The following MDN1 variants were observed in gnomAD, a reference collection of about 807,000 sequenced individuals.
The protein encoded by MDN1 is midasin.
MDN1 carries 266 observed loss-of-function variants against 669.2 expected under a neutral mutation model. That is an observed-to-expected ratio of 0.40 (90% CI 0.36 to 0.44). The LOEUF (loss-of-function observed/expected upper bound fraction) is 0.44. Ranked by LOEUF, MDN1 falls within the 20% of genes least tolerant of loss-of-function variation. MDN1 has a pLI of 1.00. For synonymous variants in MDN1, 2,385 were observed against 2,457.1 expected (o/e 0.97, Z 0.87); for missense variants, 5,940 against 6,754.0 (o/e 0.88, Z 4.22).
intron 2 of MDN1, chr6:89,797,480 A>AT (rs1296047058): frequency 4.8e-6 from 1 of 209,864 alleles, no homozygotes; most frequent in Non-Finnish European, 9.7e-6. Context: ...TTGCTCTCTG[A>AT]TAAAGGTATG....
In MDN1 at chr6:89,762,367, G is replaced by C; in HGVS notation, c.2308C>G (p.His770Asp). 2 of 1,614,126 alleles carry C rather than the reference G, an allele frequency of 1.2e-6. No individual in the cohort carries two copies. Among genetic ancestry groups the C allele is most frequent in the Non-Finnish European group, 1.7e-6 (2 of 1,180,018 alleles). ...RWHDLLRLMQ[H>D]VHKSAVNKDG... Reference sequence around the variant, plus strand: ...TTGTTAACAGCAGACTTGTGTACATGCTGCATTAGTCTCAGGAGATCATGC... The same window carrying C: ...TTGTTAACAGCAGACTTGTGTACATCCTGCATTAGTCTCAGGAGATCATGC... The change falls in exon 16 of 102, where the codon CAT becomes GAT. Residue 770 changes from histidine to aspartate, a missense_variant. His to Asp is a moderately conservative substitution (Grantham distance 81). Coordinates refer to ENST00000369393, the MANE Select transcript of MDN1 (RefSeq NM_014611.3).
Position 89,732,698 on chromosome 6 carries a change from T to A in MDN1, c.4801A>T (p.Ser1601Cys), listed in dbSNP as rs752091015. The A allele has an allele frequency of 8.7e-6, 14 of 1,613,920 alleles. 1 individual carries two copies. In the South Asian group the frequency reaches 1.4e-4, roughly 16 times the overall value. ...HQEFGRKCVV[S>C]IRDILSWVNF... ...ACCCAGGACAGGATATCTCTGATAC[T>A]GACCACACACTTTCTGCCAAACTCT... The change falls in exon 34 of 102, where the codon AGT (serine) becomes TGT (cysteine). Residue 1601 changes from serine (S) to cysteine (C), a missense_variant. Ser to Cys is a moderately radical substitution (Grantham distance 112, BLOSUM62 -1). Coordinates refer to ENST00000369393, the MANE Select transcript of MDN1 (RefSeq NM_014611.3).
In MDN1 at chr6:89,684,867, T is replaced by G; in HGVS notation, c.11829+9A>C. On this transcript the variant is annotated intron_variant, in intron 71 of 101. Transcript: ENST00000369393. ...TCCCAAGAGTGATCATGACAGCTGT[T>G]CATCTTACTTTAAGTTCTTTTTCTA... The G allele has an allele frequency of 5.2e-6, 8 of 1,549,210 alleles. No homozygotes were observed. Among genetic ancestry groups the G allele is most frequent in the Non-Finnish European group, 7.1e-6 (8 of 1,121,736 alleles).
intron 57 of MDN1, 28 bp from the exon 58 acceptor site, chr6:89,699,755 T>G (rs764353011): frequency 1.9e-6 from 3 of 1,611,972 alleles, no homozygotes; most frequent in East Asian, 4.5e-5. Flanking sequence ...AGGGAGAGGG[T>G]GGGGTATGGA....
At chr6:89,818,613 C>A (rs1584419217) in intron 1 of MDN1, among the ~76,000 whole-genome samples, 1 of 151,816 alleles carries the variant, frequency 6.6e-6, no homozygotes, top group East Asian at 1.9e-4. Flanking sequence ...AGATCGAGAC[C>A]ATCCTGGCCA....
intron 59 of MDN1, 36 bp downstream of exon 59, chr6:89,698,829 C>A: frequency 6.2e-7 from 1 of 1,607,454 alleles, no homozygotes; most frequent in Admixed American, 1.7e-5. Flanking sequence ...TCTTTTGCCA[C>A]TATCAAACAT....
chr6:89,697,593 T>C (rs1812854927), intron 59 of MDN1, among the ~76,000 whole-genome samples: 1 of 152,120 alleles, frequency 6.6e-6, no homozygotes, highest in Admixed American at 6.5e-5. Context: ...TATTTTTTTT[T>C]TTTTTTGAGA....
At position 89,729,219 on chromosome 6, in the gene MDN1, A is replaced by C. The variant is rs1815421704; in HGVS notation, c.5141-80T>G. On this transcript the variant is annotated intron_variant, in intron 35 of 101. Coordinates refer to ENST00000369393, the MANE Select transcript of MDN1 (RefSeq NM_014611.3). Reference sequence around the variant, plus strand: ...TATGCATCAACTCAAGATTTTAAAAATCTACCACATGGGTTATCAGTTAGT... The same window carrying C: ...TATGCATCAACTCAAGATTTTAAAACTCTACCACATGGGTTATCAGTTAGT... The C allele has an allele frequency of 7.3e-6, 8 of 1,103,268 alleles. No homozygotes were observed. In the Admixed American group the frequency reaches 1.8e-4, roughly 25 times the overall value. 68.3% of individuals were successfully genotyped at this position (1,103,268 alleles called of 1,614,324 possible).
At chr6:89,816,530 G>C (rs546598512) in intron 1 of MDN1, among the ~76,000 whole-genome samples, 1 of 152,040 alleles carries the variant, frequency 6.6e-6, no homozygotes, top group South Asian at 2.1e-4. Flanking sequence ...TTCTAGACCA[G>C]CCTGGACAAC....
chr6:89,688,085 T>G lies in MDN1; in HGVS notation c.11348A>C (p.Lys3783Thr). The stretch of plus-strand genomic sequence containing the variant: ...AGAGAGGTATTAGCTCACCTGTGCC[T>G]TTGCCAGAAGGATCTCTAAGCCATT... ...FLNGLEILLA[K>T]AQDWEENASR... Residue 3783 changes from lysine (K) to threonine (T), a missense_variant, in exon 67 of 102, where the codon AAG (lysine) becomes ACG (threonine). Physicochemically the swap from Lys to Thr is moderately conservative, Grantham distance 78. Coordinates refer to ENST00000369393, the MANE Select transcript of MDN1 (RefSeq NM_014611.3). 2 of 1,613,664 alleles carry G rather than the reference T, an allele frequency of 1.2e-6. No homozygotes were observed. Among genetic ancestry groups the G allele is most frequent in the Non-Finnish European group, 1.7e-6 (2 of 1,179,540 alleles).
rs1237773636 is a variant in MDN1, at chr6:89,699,633, G to A, written c.8965C>T (p.Arg2989Ter). The A allele has an allele frequency of 1.9e-6, 3 of 1,613,936 alleles. No homozygotes were observed. The highest frequency in any genetic ancestry group is 1.1e-5 in the South Asian group (1 of 91,062). ...TGATGCAGCAAGGACCACAGATCTC[G>A]AAGCTCTTGAGGTGTAACAGGTGTG... Reference protein sequence around the residue: ...YHTPVTPQELRDLWSLLHHQK... With the variant: ...YHTPVTPQEL Residue 2989 changes from arginine to a stop codon, truncating the protein, a stop_gained, in exon 58 of 102, where the codon CGA becomes TGA. Coordinates refer to ENST00000369393, the MANE Select transcript of MDN1 (RefSeq NM_014611.3). LOFTEE classifies it high-confidence loss of function.
At chr6:89,659,960 TCA>T (rs1809604322) in intron 88 of MDN1, among the ~76,000 whole-genome samples, 1 of 152,192 alleles carries the variant, frequency 6.6e-6, no homozygotes, top group East Asian at 1.9e-4. Context: ...CCATCTTGGC[TCA>T]CTGCAACCTC....
chr6:89,793,294 T>C (rs1562225204), intron 5 of MDN1, among the ~76,000 whole-genome samples: 1 of 152,168 alleles, frequency 6.6e-6, no homozygotes, highest in Non-Finnish European at 1.5e-5. Flanking sequence ...TACATCAACA[T>C]AGGATCGTAA....
chr6:89,766,788 G>T (rs7748586), intron 15 of MDN1, among the ~76,000 whole-genome samples: 1,664 of 152,334 alleles, frequency 0.011, 26 homozygotes, highest in African/African-American at 0.039. Flanking sequence ...ACAGGGTTCT[G>T]AGTTCAAATT....
chr6:89,677,705 TAAACAGCATTTCTTTAAGCAAAGATGC>T lies in MDN1; in HGVS notation c.12413-36_12413-10del. The stretch of plus-strand genomic sequence containing the variant: ...TTTGCGATACGACAAACCTAGGAAA[TAAACAGCATTTCTTTAAGCAAAGATGC>T]TTAGTAGAGAATGGATGTGCCCCCC... On this transcript the variant is annotated splice_polypyrimidine_tract_variant and intron_variant, in intron 75 of 101. Transcript: ENST00000369393. The T allele has an allele frequency of 6.2e-7, 1 of 1,613,838 alleles. No homozygotes were observed. The highest frequency in any genetic ancestry group is 1.1e-5 in the South Asian group (1 of 91,070).
At chr6:89,734,960 G>C (rs1001938042) in intron 33 of MDN1, among the ~76,000 whole-genome samples, 5 of 149,000 alleles carry the variant, frequency 3.4e-5, no homozygotes, top group Non-Finnish European at 7.5e-5. Context: ...GTGTGATCTT[G>C]GCTCACGGCA....
At chr6:89,726,937 A>G (rs1289411303) in intron 37 of MDN1, among the ~76,000 whole-genome samples, 1 of 152,202 alleles carries the variant, frequency 6.6e-6, no homozygotes, top group Non-Finnish European at 1.5e-5. Context: ...GTGTTTATAA[A>G]TCTAGAATGT....
At position 89,712,590 on chromosome 6, in the gene MDN1, G is replaced by A. The variant is rs1327257600; in HGVS notation, c.7415C>T (p.Thr2472Ile). Residue 2472 changes from threonine (T) to isoleucine (I), a missense_variant, in exon 48 of 102, where the codon ACC (threonine) becomes ATC (isoleucine). Thr to Ile is a moderately conservative substitution (Grantham distance 89). This residue lies in a region of MDN1 where 2,292 missense variants were observed against 2,638.3 expected (regional missense o/e 0.87). Coordinates refer to ENST00000369393, the MANE Select transcript of MDN1 (RefSeq NM_014611.3). ...CTCCACTGACCTTGTCCAGCTGCTGGTTTTCATGCTCATCCTGTTGAGACA... is the reference window on the plus strand; with the variant it reads ...CTCCACTGACCTTGTCCAGCTGCTGATTTTCATGCTCATCCTGTTGAGACA... ...VYCLNRMSMK[T>I]SSWTRSQPFT... 1.2e-6 allele frequency: 2 copies of A among 1,614,060 alleles called. No homozygotes were observed. The highest frequency in any genetic ancestry group is 3.3e-5 in the Admixed American group (2 of 60,020).
chr6:89,659,664 CAAAA>C (rs1319860273), intron 88 of MDN1, among the ~76,000 whole-genome samples: 3 of 151,662 alleles, frequency 2.0e-5, no homozygotes, highest in Non-Finnish European at 2.9e-5. Context: ...AACAAACAAA[CAAAA>C]AAACACAATA....
Sources: gnomAD v4.1 joint callset for allele counts (sites outside exome capture counted in the v4.1 genomes callset) on GRCh38, gnomAD v4.1.1 for gene constraint, gnomAD v4.1.1 regional missense constraint, MANE v1.5 for transcripts, NCBI Gene and HGNC (gene_info 2026-07-23, HGNC 2026-07-21) for gene names.